Variants in SYT14 observed in about 807,000 individuals in gnomAD.
The protein encoded by SYT14 is synaptotagmin 14.
In SYT14, 32 loss-of-function variants were observed where a neutral mutation model predicts 74.2. That is an observed-to-expected ratio of 0.43 (90% CI 0.33 to 0.58). The LOEUF is 0.58. Among genes scored for constraint, SYT14 ranks in the 20% least tolerant of loss-of-function variants. The pLI is 0.05. For synonymous variants in SYT14, 298 were observed against 337.7 expected, an observed-to-expected ratio of 0.88 and a Z score of 1.29; for missense variants, 791 against 981.8, an observed-to-expected ratio of 0.81 and a Z score of 2.60.
intron 2 of SYT14, among the ~76,000 whole-genome samples, chr1:210,006,045 T>C (rs1572147059): frequency 6.6e-6 from 1 of 151,890 alleles, no homozygotes; most frequent in Non-Finnish European, 1.5e-5. Context: ...TCCAGGTAGG[T>C]AACTGTTTCT....
rs985560182 is a variant in SYT14 at position 209,949,289 on chromosome 1, A to G, written c.-533-3420A>G. ...AGGAAGGATTGGGGATAAAAGGAAC[A>G]CTAGGCTGGGCGTGGTGGCTCATGC... On this transcript the variant is annotated intron_variant, in intron 1 of 9. Transcript: ENST00000637265. Among the ~76,000 whole-genome samples the G allele has an allele frequency of 3.3e-5, 5 of 152,156 alleles. No individual in the cohort carries two copies. The East Asian group carries it at 5.8e-4, about 18-fold the overall frequency.
exon 4 of SYT14, chr1:210,015,954 CA>C: frequency 8.1e-7 from 1 of 1,231,454 alleles, no homozygotes; most frequent in Non-Finnish European, 1.0e-6. Context: ...TTGATATTTT[CA>C]GAAGAGAAAA....
In SYT14 at chr1:210,000,613, C is replaced by CTTTTTTTTTTTTTTT. The variant is rs71146203; in HGVS notation, c.-485-13015_-485-13001dup. Among the ~76,000 whole-genome samples the CTTTTTTTTTTTTTTT allele has an allele frequency of 4.7e-5, 5 of 105,424 alleles. 1 individual carries two copies. Among genetic ancestry groups the CTTTTTTTTTTTTTTT allele is most frequent in the African/African-American group, 1.9e-4 (5 of 26,526 alleles). 69.2% of individuals were successfully genotyped at this position (105,424 alleles called of 152,430 possible). On this transcript the variant is annotated intron_variant, in intron 2 of 9. Transcript: ENST00000637265. ...TTTCATTAGGGCTGTTTTATGCCTT[C>CTTTTTTTTTTTTTTT]TTTTTTTTTTTTTTTTTTTGAGATA...
chr1:210,123,405 G>C (rs1312552392), intron 7 of SYT14, among the ~76,000 whole-genome samples: 4 of 152,140 alleles, frequency 2.6e-5, no homozygotes, highest in Admixed American at 2.6e-4. Flanking sequence ...GAACTAATCT[G>C]ATCACACACC....
chr1:210,053,511 T>G (rs12093254), intron 5 of SYT14, among the ~76,000 whole-genome samples: 24,704 of 152,238 alleles, frequency 0.16, 6,365 homozygotes, highest in African/African-American at 0.55. Context: ...AAGATAACCC[T>G]ATTAAGTCTA....
At chr1:210,054,432 A>T (rs2102390350) in intron 5 of SYT14, among the ~76,000 whole-genome samples, 1 of 152,294 alleles carries the variant, frequency 6.6e-6, no homozygotes, top group South Asian at 2.1e-4. Flanking sequence ...TTATGATTGT[A>T]ATATCTTTTC....
intron 5 of SYT14, among the ~76,000 whole-genome samples, chr1:210,088,582 A>T (rs1422280615): frequency 6.6e-6 from 1 of 152,098 alleles, no homozygotes; most frequent in East Asian, 1.9e-4. Context: ...CTTGGAACCA[A>T]CCCAAATGCC....
chr1:210,169,228 T>TTG (rs2083493874), exon 10 of SYT14: 1 of 134,698 alleles, frequency 7.4e-6, no homozygotes, highest in African/African-American at 2.7e-5. Flanking sequence ...GGTGTTTTTT[T>TTG]TTTTTTTTTT....
At chr1:210,021,127 A>G in exon 5 of SYT14, 1 of 1,614,074 alleles carries the variant, frequency 6.2e-7, no homozygotes, top group Non-Finnish European at 8.5e-7. Context: ...CCTTATCCAG[A>G]ACACACAATT....
At chr1:209,957,217 C>A (rs1033792705) in intron 2 of SYT14, among the ~76,000 whole-genome samples, 4 of 152,102 alleles carry the variant, frequency 2.6e-5, no homozygotes, top group African/African-American at 9.7e-5. Flanking sequence ...ACTTTAGCCC[C>A]CATTGCTGTC....
intron 6 of SYT14, 133 bp downstream of exon 5, chr1:210,094,726 T>A: frequency 9.2e-7 from 1 of 1,091,450 alleles, no homozygotes; most frequent in Non-Finnish European, 1.3e-6. Context: ...TATCCATCCT[T>A]AATCTAATCT....
intron 2 of SYT14, 88 bp downstream of exon 2, chr1:209,952,844 G>T: frequency 2.3e-6 from 3 of 1,325,098 alleles, no homozygotes; most frequent in Non-Finnish European, 2.1e-6. Flanking sequence ...CGGATAATTT[G>T]TATTTATGAA....
chr1:210,085,010 A>T (rs1329911994), intron 5 of SYT14, among the ~76,000 whole-genome samples: 5 of 152,194 alleles, frequency 3.3e-5, no homozygotes, highest in South Asian at 2.1e-4. Flanking sequence ...CCTTTCCTGT[A>T]CCATGCAGGC....
At chr1:210,065,523 AC>A (rs2081279949) in intron 5 of SYT14, among the ~76,000 whole-genome samples, 1 of 149,958 alleles carries the variant, frequency 6.7e-6, no homozygotes. Flanking sequence ...TTTATAAATT[AC>A]CCAGTCTCAG....
intron 8 of SYT14, among the ~76,000 whole-genome samples, chr1:210,157,798 G>A (rs1224702544): frequency 6.6e-6 from 1 of 151,538 alleles, no homozygotes; most frequent in Non-Finnish European, 1.5e-5. Context: ...AAAAATAAAG[G>A]AGGGGTAACT....
intron 5 of SYT14, 121 bp downstream of exon 4, chr1:210,021,375 TTTC>T (rs1442124581): frequency 1.0e-6 from 1 of 953,598 alleles, no homozygotes; most frequent in Non-Finnish European, 1.6e-6. Context: ...TACAGTCACA[TTTC>T]TGGGAATGTA....
chr1:210,087,893 G>A (rs2102502723), intron 5 of SYT14, among the ~76,000 whole-genome samples: 1 of 152,228 alleles, frequency 6.6e-6, no homozygotes, highest in Non-Finnish European at 1.5e-5. Context: ...CCCACTCAGT[G>A]GCTTTAGGGC....
intron 2 of SYT14, among the ~76,000 whole-genome samples, chr1:209,970,879 C>G (rs1452192966): frequency 6.6e-6 from 1 of 151,644 alleles, no homozygotes; most frequent in Non-Finnish European, 1.5e-5. Context: ...GGGGTTTCAC[C>G]ATGTTGGCCA....
At chr1:210,059,923 G>T (rs927475625) in intron 5 of SYT14, among the ~76,000 whole-genome samples, 1 of 152,114 alleles carries the variant, frequency 6.6e-6, no homozygotes, top group Non-Finnish European at 1.5e-5. Flanking sequence ...TCTACAGTGG[G>T]TGGAGAATGA....
Sources: allele counts gnomAD v4.1 joint callset (sites outside exome capture counted in the v4.1 genomes callset), GRCh38; gene constraint gnomAD v4.1.1; transcripts MANE v1.5; gene names NCBI Gene and HGNC (gene_info 2026-07-23, HGNC 2026-07-21).